MYO1D: variants seen among roughly 807,000 people sequenced by gnomAD.
MYO1D encodes myosin ID.
Under a neutral mutation model 122.0 loss-of-function variants are expected in MYO1D, and 83 were observed. The ratio of observed to expected loss-of-function variants is 0.68; its 90% CI spans 0.57 to 0.82. The LOEUF (loss-of-function observed/expected upper bound fraction) is 0.82. MYO1D is among the 40% of genes least tolerant of loss of function. The probability of loss-of-function intolerance (pLI) is 0.00; values close to 1 mark genes in which losing one functional copy is unlikely to be tolerated. For synonymous variants in MYO1D, 464 were observed against 446.9 expected, an observed-to-expected ratio of 1.04 and a Z score of -0.48; for missense variants, 1,157 against 1,269.5, an observed-to-expected ratio of 0.91 and a Z score of 1.35.
intron 20 of MYO1D, among the ~76,000 whole-genome samples, chr17:32,617,462 C>T (rs1024981424): frequency 2.0e-5 from 3 of 152,068 alleles, no homozygotes; most frequent in African/African-American, 4.8e-5. Context: ...GACGGAGTTT[C>T]GCTGTTGTCT....
intron 21 of MYO1D, among the ~76,000 whole-genome samples, chr17:32,566,128 G>A (rs747125965): frequency 2.0e-5 from 3 of 152,058 alleles, no homozygotes; most frequent in Admixed American, 6.6e-5. Flanking sequence ...GCTTCTAGAC[G>A]GGGAGGTAGA....
rs1472251606 is a variant in MYO1D, at chr17:32,659,230, C to A, written c.2230G>T (p.Ala744Ser). 3 of 1,614,212 alleles carry A rather than the reference C, an allele frequency of 1.9e-6. No homozygotes were observed. The highest frequency in any genetic ancestry group is 2.2e-5 in the South Asian group (2 of 91,090). The change falls in exon 17 of 22, where the codon GCC (alanine) becomes TCC (serine). Residue 744 changes from alanine to serine, a missense_variant. Physicochemically the swap from Ala to Ser is moderately conservative, Grantham distance 99. Transcript: ENST00000318217. Reference protein sequence around the residue: ...YKVKSYIHEVARRFHGVKTMR... With the variant: ...YKVKSYIHEVSRRFHGVKTMR... ...GTCTTGACGCCATGGAAGCGTCTGG[C>A]CACCTCGTGGATGTACGACTTCACT...
chr17:32,636,330 C>T (rs549765551), intron 20 of MYO1D, among the ~76,000 whole-genome samples: 35 of 152,166 alleles, frequency 2.3e-4, no homozygotes, highest in Admixed American at 6.5e-5. Context: ...TTAGCATCAT[C>T]ATGTTTTAAA....
Position 32,701,456 on chromosome 17 carries a change from A to G in MYO1D, c.2121+10532T>C, listed in dbSNP as rs141505848. On this transcript the variant is annotated intron_variant, in intron 16 of 21. Transcript: ENST00000318217. ...AAATTGGTTAGAATTCTCTGTATTG[A>G]TAATTCAAGAGAAAAAAATGACATA... is the stretch of plus-strand genomic sequence containing the variant. Among the ~76,000 whole-genome samples the G allele has an allele frequency of 7.6e-3, 1,155 of 152,366 alleles. 2 individuals carry two copies. Among genetic ancestry groups the G allele is most frequent in the Non-Finnish European group, 0.012 (823 of 68,034 alleles).
intron 1 of MYO1D, among the ~76,000 whole-genome samples, chr17:32,871,742 C>T (rs550831230): frequency 2.6e-5 from 4 of 152,340 alleles, no homozygotes; most frequent in East Asian, 1.9e-4. Flanking sequence ...CTTCCTTTCA[C>T]GCACATGGCT....
intron 21 of MYO1D, chr17:32,512,885 G>A (rs1227701469): frequency 6.6e-6 from 1 of 152,282 alleles, no homozygotes; most frequent in African/African-American, 2.4e-5. Context: ...AGGATGAGGA[G>A]GACTTGACAA....
intron 21 of MYO1D, among the ~76,000 whole-genome samples, chr17:32,569,598 G>A (rs574981296): frequency 3.9e-5 from 6 of 152,290 alleles, no homozygotes; most frequent in South Asian, 4.1e-4. Context: ...AATGGGAGAC[G>A]CCCAGGAGTG....
intron 12 of MYO1D, among the ~76,000 whole-genome samples, chr17:32,748,683 C>G (rs1173480841): frequency 6.6e-6 from 1 of 152,172 alleles, no homozygotes; most frequent in Non-Finnish European, 1.5e-5. Flanking sequence ...CCAGCTGATT[C>G]TTACTGAACA....
chr17:32,872,648 C>T (rs979232612), intron 1 of MYO1D, among the ~76,000 whole-genome samples: 2 of 151,330 alleles, frequency 1.3e-5, no homozygotes, highest in African/African-American at 4.9e-5. Flanking sequence ...TAATCCACAT[C>T]ACTCTTTTAC....
At chr17:32,748,502 C>T (rs1330509029) in intron 12 of MYO1D, among the ~76,000 whole-genome samples, 5 of 152,176 alleles carry the variant, frequency 3.3e-5, no homozygotes, top group Non-Finnish European at 7.4e-5. Context: ...CCCACTGCTC[C>T]TATAATGCCT....
chr17:32,776,396 AT>A (rs2090172934), intron 3 of MYO1D, among the ~76,000 whole-genome samples: 2 of 152,206 alleles, frequency 1.3e-5, no homozygotes, highest in Admixed American at 6.5e-5. Context: ...ATACACATGT[AT>A]CAGCAAATGC....
chr17:32,735,081 AAC>A (rs371150333), intron 14 of MYO1D, among the ~76,000 whole-genome samples: 2,547 of 138,034 alleles, frequency 0.018, 52 homozygotes, highest in African/African-American at 0.055. Flanking sequence ...ATTCCATCTG[AAC>A]ACACACACAC....
At chr17:32,671,776 T>C (rs1253132140) in intron 16 of MYO1D, among the ~76,000 whole-genome samples, 1 of 152,216 alleles carries the variant, frequency 6.6e-6, no homozygotes, top group Non-Finnish European at 1.5e-5. Context: ...CTAAGTTAAT[T>C]CATATGTTAA....
rs903949387 is a variant in MYO1D at position 32,715,654 on chromosome 17, A to G, written c.1914-3459T>C. 2.6e-5 allele frequency among the ~76,000 whole-genome samples: 4 copies of G among 152,088 alleles called. No individual in the cohort carries two copies. The East Asian group carries it at 7.7e-4, about 29-fold the overall frequency. On this transcript the variant is annotated intron_variant, in intron 15 of 21. Transcript: ENST00000318217. ...TAAAACATTCCAAATATAAAAACAA[A>G]AATATGTATATTTTATAAGTATATA...
chr17:32,678,856 C>G (rs1435131449), intron 16 of MYO1D, among the ~76,000 whole-genome samples: 1 of 151,146 alleles, frequency 6.6e-6, no homozygotes, highest in African/African-American at 2.5e-5. Context: ...AATGGTTGAA[C>G]TACTTTACAG....
intron 20 of MYO1D, among the ~76,000 whole-genome samples, chr17:32,609,141 T>C (rs571987607): frequency 9.8e-5 from 15 of 152,326 alleles, no homozygotes; most frequent in African/African-American, 3.6e-4. Flanking sequence ...GTAAATTATA[T>C]TCATTGCCTA....
intron 14 of MYO1D, among the ~76,000 whole-genome samples, chr17:32,733,800 G>A (rs1243059940): frequency 1.3e-5 from 2 of 151,984 alleles, no homozygotes; most frequent in African/African-American, 4.8e-5. Flanking sequence ...CTTACTTTTC[G>A]TTAGTTCATG....
At chr17:32,657,846 A>C (rs76097965) in intron 17 of MYO1D, among the ~76,000 whole-genome samples, 2,263 of 151,892 alleles carry the variant, frequency 0.015, 46 homozygotes, top group African/African-American at 0.05. Flanking sequence ...TATAGGCTGT[A>C]GTGCAATCTA....
At chr17:32,517,969 G>A (rs1207860734) in intron 21 of MYO1D, among the ~76,000 whole-genome samples, 1 of 150,890 alleles carries the variant, frequency 6.6e-6, no homozygotes, top group South Asian at 2.1e-4. Flanking sequence ...CACCTGGCCC[G>A]CCACTCTGCC....
Sources: allele counts gnomAD v4.1 joint callset (sites outside exome capture counted in the v4.1 genomes callset), GRCh38; gene constraint gnomAD v4.1.1; transcripts MANE v1.5; gene names NCBI Gene and HGNC (gene_info 2026-07-23, HGNC 2026-07-21).